CNTNAP2: variants seen among roughly 807,000 people sequenced by gnomAD.
The protein encoded by CNTNAP2 is contactin associated protein 2, also known as contactin-associated protein-like 2.
In CNTNAP2, 98 loss-of-function variants were observed where a neutral mutation model predicts 155.2. The ratio of observed to expected loss-of-function variants is 0.63; its 90% CI spans 0.54 to 0.75. CNTNAP2 has a LOEUF of 0.75. Ranked by LOEUF, CNTNAP2 falls within the 30% of genes least tolerant of loss-of-function variation. The pLI is 0.00. For missense variants in CNTNAP2, 1,727 were observed against 1,688.1 expected, an observed-to-expected ratio of 1.02 and a Z score of -0.40; for synonymous variants, 651 against 631.2, an observed-to-expected ratio of 1.03 and a Z score of -0.47.
intron 8 of CNTNAP2, among the ~76,000 whole-genome samples, chr7:147,279,514 C>A (rs1804980455): frequency 6.6e-6 from 1 of 151,742 alleles, no homozygotes; most frequent in Admixed American, 6.6e-5. Flanking sequence ...CATCTGATTT[C>A]CATAAAATGA....
intron 3 of CNTNAP2, among the ~76,000 whole-genome samples, chr7:146,917,390 G>A (rs1204484570): frequency 1.3e-5 from 2 of 152,124 alleles, no homozygotes; most frequent in African/African-American, 4.8e-5. Context: ...CCTGTCCAGT[G>A]CTGTCAGTGG....
At chr7:146,172,032 A>ATTT (rs61619996) in intron 1 of CNTNAP2, among the ~76,000 whole-genome samples, 67 of 67,598 alleles carry the variant, frequency 9.9e-4, no homozygotes, top group East Asian at 1.6e-3. Flanking sequence ...TGCTCTTAGT[A>ATTT]TTTTTTTTTT....
At chr7:146,152,128 A>G (rs1318214621) in intron 1 of CNTNAP2, among the ~76,000 whole-genome samples, 1 of 152,120 alleles carries the variant, frequency 6.6e-6, no homozygotes, top group Non-Finnish European at 1.5e-5. Context: ...GTCCATCAAT[A>G]GATGACTGGA....
chr7:147,277,572 G>T (rs555336645), intron 8 of CNTNAP2, among the ~76,000 whole-genome samples: 1 of 151,880 alleles, frequency 6.6e-6, no homozygotes, highest in African/African-American at 2.4e-5. Flanking sequence ...AATTCAGGTT[G>T]CTAAGTATAA....
At chr7:146,123,819 A>G (rs767313171) in intron 1 of CNTNAP2, among the ~76,000 whole-genome samples, 1 of 152,198 alleles carries the variant, frequency 6.6e-6, no homozygotes, top group Non-Finnish European at 1.5e-5. Flanking sequence ...AGGTGCTTCT[A>G]TTTTTAATAG....
At chr7:148,011,376 TGCCC>T (rs767393857) in intron 15 of CNTNAP2, among the ~76,000 whole-genome samples, 11 of 152,214 alleles carry the variant, frequency 7.2e-5, no homozygotes, top group Non-Finnish European at 1.3e-4. Flanking sequence ...ATTTTAAACC[TGCCC>T]ACTCTCTAGA....
At chr7:146,265,025 A>G (rs564309640) in intron 1 of CNTNAP2, among the ~76,000 whole-genome samples, 61 of 152,342 alleles carry the variant, frequency 4.0e-4, no homozygotes, top group African/African-American at 1.3e-3. Flanking sequence ...TGAAAGGAGA[A>G]AAAAACAAAG....
chr7:147,744,525 G>C (rs1044205967), intron 13 of CNTNAP2, among the ~76,000 whole-genome samples: 5 of 152,188 alleles, frequency 3.3e-5, no homozygotes, highest in Admixed American at 6.5e-5. Flanking sequence ...CAGAGGACAA[G>C]TTTAGTTCTT....
chr7:146,433,490 T>C (rs1796199824), intron 1 of CNTNAP2, among the ~76,000 whole-genome samples: 1 of 152,090 alleles, frequency 6.6e-6, no homozygotes, highest in Non-Finnish European at 1.5e-5. Flanking sequence ...AGGCTTCTCT[T>C]TACTTCTGCT....
intron 10 of CNTNAP2, among the ~76,000 whole-genome samples, chr7:147,415,803 C>CT (rs1285882120): frequency 6.6e-6 from 1 of 152,102 alleles, no homozygotes; most frequent in Non-Finnish European, 1.5e-5. Flanking sequence ...TAAACCGGGC[C>CT]TTTTTTAATC....
intron 8 of CNTNAP2, among the ~76,000 whole-genome samples, chr7:147,164,960 A>T (rs1165458690): frequency 1.3e-5 from 2 of 152,196 alleles, no homozygotes; most frequent in Non-Finnish European, 2.9e-5. Flanking sequence ...TCATTACCTG[A>T]AACACTTGTC....
chr7:147,221,979 G>A (rs1472244013), intron 8 of CNTNAP2, among the ~76,000 whole-genome samples: 1 of 152,072 alleles, frequency 6.6e-6, no homozygotes, highest in East Asian at 1.9e-4. Context: ...TTCCTCTGTA[G>A]GTAAGGTGTC....
intron 1 of CNTNAP2, among the ~76,000 whole-genome samples, chr7:146,345,067 C>A (rs915420826): frequency 6.6e-6 from 1 of 152,080 alleles, no homozygotes; most frequent in African/African-American, 2.4e-5. Flanking sequence ...ATTTAGCAAA[C>A]AGAGTTCTTC....
chr7:146,319,611 A>G (rs1800966050), intron 1 of CNTNAP2, among the ~76,000 whole-genome samples: 1 of 152,224 alleles, frequency 6.6e-6, no homozygotes, highest in South Asian at 2.1e-4. Context: ...TACTCTTTGA[A>G]GCCAGGCTTG....
intron 13 of CNTNAP2, among the ~76,000 whole-genome samples, chr7:147,875,634 G>A (rs756521120): frequency 5.0e-4 from 76 of 152,186 alleles, no homozygotes; most frequent in African/African-American, 1.4e-3. Flanking sequence ...GGCTCATACC[G>A]TAATCACAGC....
At chr7:146,993,265 G>T (rs1244633492) in intron 3 of CNTNAP2, among the ~76,000 whole-genome samples, 3 of 152,144 alleles carry the variant, frequency 2.0e-5, no homozygotes, top group Non-Finnish European at 4.4e-5. Context: ...TTGCCTTGGG[G>T]TGGGCTGTCT....
At chr7:147,898,549 A>G (rs974391398) in intron 13 of CNTNAP2, among the ~76,000 whole-genome samples, 1 of 148,486 alleles carries the variant, frequency 6.7e-6, no homozygotes, top group Non-Finnish European at 1.5e-5. Context: ...TTTGAGACAG[A>G]GTCTCACTCT....
intron 3 of CNTNAP2, among the ~76,000 whole-genome samples, chr7:146,952,539 A>G (rs977272448): frequency 6.6e-6 from 1 of 152,182 alleles, no homozygotes; most frequent in African/African-American, 2.4e-5. Flanking sequence ...CCATCGCCTC[A>G]GCCACAAATC....
intron 13 of CNTNAP2, among the ~76,000 whole-genome samples, chr7:147,684,605 T>C (rs752961199): frequency 2.7e-4 from 41 of 151,838 alleles, no homozygotes; most frequent in Non-Finnish European, 7.4e-5. Flanking sequence ...TAATCGTTGA[T>C]GGCCCTGAGG....
Sources: allele counts gnomAD v4.1 joint callset (sites outside exome capture counted in the v4.1 genomes callset), GRCh38; gene constraint gnomAD v4.1.1; transcripts MANE v1.5; gene names NCBI Gene and HGNC (gene_info 2026-07-23, HGNC 2026-07-21).